Variants in LGSN observed in about 807,000 individuals in gnomAD.
LGSN encodes lengsin, lens protein with glutamine synthetase domain.
LGSN carries 21 observed loss-of-function variants against 19.5 expected under a neutral mutation model. The ratio of observed to expected loss-of-function variants is 1.07; its 90% CI spans 0.76 to 1.55. The LOEUF (loss-of-function observed/expected upper bound fraction) is 1.55. Ranked by LOEUF, LGSN falls within the 40% of genes most tolerant of loss-of-function variation. The pLI, the probability that LGSN is intolerant of heterozygous loss-of-function variation, is 0.00. For missense variants in LGSN, 673 were observed against 608.5 expected, an observed-to-expected ratio of 1.11 and a Z score of -1.12; for synonymous variants, 257 against 215.6, an observed-to-expected ratio of 1.19 and a Z score of -1.68.
the LGSN span, among the ~76,000 whole-genome samples, chr6:63,360,717 G>A: frequency 6.6e-6 from 1 of 152,220 alleles, no homozygotes. Context: ...TTCCTTTGGA[G>A]GAGGAGAGGC....
At chr6:63,537,464 C>A in the LGSN span, among the ~76,000 whole-genome samples, 1 of 152,178 alleles carries the variant, frequency 6.6e-6, no homozygotes, top group Non-Finnish European at 1.5e-5. Flanking sequence ...TTTCTGGAAA[C>A]AGGGTTTTGG....
the LGSN span, among the ~76,000 whole-genome samples, chr6:63,470,465 C>A: frequency 0.057 from 7,900 of 138,278 alleles, 708 homozygotes; most frequent in African/African-American, 0.19. Context: ...CAGAGCAAGA[C>A]TGTCTCAATT....
chr6:63,533,824 C>T, the LGSN span, among the ~76,000 whole-genome samples: 1 of 142,144 alleles, frequency 7.0e-6, no homozygotes, highest in Non-Finnish European at 1.5e-5. Context: ...AATTCCTGAA[C>T]AAACTTTTTT....
chr6:63,291,936 T>C (rs2127386737), intron 2 of LGSN, among the ~76,000 whole-genome samples: 1 of 152,340 alleles, frequency 6.6e-6, no homozygotes, highest in South Asian at 2.1e-4. Flanking sequence ...GATGGCTTTC[T>C]CCAGCTGAAG....
chr6:63,471,202 TC>T, the LGSN span, among the ~76,000 whole-genome samples: 1 of 151,644 alleles, frequency 6.6e-6, no homozygotes, highest in Non-Finnish European at 1.5e-5. Flanking sequence ...GGTCTCAAAT[TC>T]CTGACCTCAG....
chr6:63,551,212 C>T, the LGSN span, among the ~76,000 whole-genome samples: 482 of 152,032 alleles, frequency 3.2e-3, 2 homozygotes, highest in African/African-American at 6.4e-3. Context: ...ACTACAGGGG[C>T]GCGCCACCAC....
chr6:63,391,557 T>C, the LGSN span, among the ~76,000 whole-genome samples: 10 of 152,176 alleles, frequency 6.6e-5, no homozygotes, highest in Non-Finnish European at 1.2e-4. Context: ...CACCTCAAGG[T>C]CTGTGTTAGC....
intron 2 of LGSN, among the ~76,000 whole-genome samples, chr6:63,288,453 G>A: frequency 6.6e-6 from 1 of 150,968 alleles, no homozygotes; most frequent in Non-Finnish European, 1.5e-5. Context: ...TTCACACAGT[G>A]AAAGGGCTGG....
the LGSN span, among the ~76,000 whole-genome samples, chr6:63,480,800 A>G: frequency 6.8e-6 from 1 of 147,328 alleles, no homozygotes; most frequent in Admixed American, 7.0e-5. Context: ...GTATCTACCC[A>G]AAGGAAAAGA....
chr6:63,412,400 A>AAGG, the LGSN span, among the ~76,000 whole-genome samples: 1 of 133,078 alleles, frequency 7.5e-6, no homozygotes, highest in African/African-American at 3.5e-5. Flanking sequence ...TGAAAGAAGG[A>AAGG]AAGAAAGAAA....
the LGSN span, among the ~76,000 whole-genome samples, chr6:63,491,546 G>A: frequency 6.6e-6 from 1 of 152,160 alleles, no homozygotes; most frequent in African/African-American, 2.4e-5. Flanking sequence ...ATTTAGGCCA[G>A]TTATAATGAA....
At chr6:63,427,176 C>G in the LGSN span, among the ~76,000 whole-genome samples, 1 of 151,646 alleles carries the variant, frequency 6.6e-6, no homozygotes, top group East Asian at 1.9e-4. Context: ...TCCCAAGTAG[C>G]TGGGAGTACA....
At chr6:63,524,076 G>A in the LGSN span, among the ~76,000 whole-genome samples, 1 of 152,024 alleles carries the variant, frequency 6.6e-6, no homozygotes, top group Non-Finnish European at 1.5e-5. Flanking sequence ...TTGCCTCCCA[G>A]GTTCAAGTGA....
At chr6:63,329,267 G>T in the LGSN span, among the ~76,000 whole-genome samples, 21 of 152,318 alleles carry the variant, frequency 1.4e-4, no homozygotes, top group Admixed American at 9.8e-4. Flanking sequence ...AAGTTGGGAC[G>T]TGTGGTCTGT....
chr6:63,458,945 T>C, the LGSN span, among the ~76,000 whole-genome samples: 1 of 152,226 alleles, frequency 6.6e-6, no homozygotes, highest in Non-Finnish European at 1.5e-5. Flanking sequence ...ATGTAAAGTT[T>C]GTAATAATGC....
chr6:63,496,364 T>C, the LGSN span, among the ~76,000 whole-genome samples: 5 of 152,190 alleles, frequency 3.3e-5, no homozygotes, highest in Admixed American at 3.3e-4. Context: ...CCATAGCCAC[T>C]AGGACAATGA....
chr6:63,554,158 T>C, the LGSN span, among the ~76,000 whole-genome samples: 2 of 152,196 alleles, frequency 1.3e-5, no homozygotes, highest in African/African-American at 4.8e-5. Flanking sequence ...ATAAAAAGAC[T>C]TTACAATCCT....
chr6:63,460,610 A>G, the LGSN span, among the ~76,000 whole-genome samples: 4 of 152,196 alleles, frequency 2.6e-5, no homozygotes, highest in African/African-American at 9.6e-5. Flanking sequence ...CATTTCTATT[A>G]TTAGGAGGAA....
chr6:63,503,015 TAAG>T, the LGSN span, among the ~76,000 whole-genome samples: 5 of 152,230 alleles, frequency 3.3e-5, no homozygotes, highest in African/African-American at 1.2e-4. Flanking sequence ...TTTTTTGCCA[TAAG>T]AAAATTCTCA....
Sources: gnomAD v4.1 joint callset for allele counts (sites outside exome capture counted in the v4.1 genomes callset) on GRCh38, gnomAD v4.1.1 for gene constraint, MANE v1.5 for transcripts, NCBI Gene and HGNC (gene_info 2026-07-23, HGNC 2026-07-21) for gene names.